Variants in RAB31 observed in about 807,000 individuals in gnomAD.
RAB31 encodes RAB31, member RAS oncogene family.
A neutral mutation model predicts 25.6 loss-of-function variants in RAB31; 21 were observed. That is an observed-to-expected ratio of 0.82 (90% CI 0.58 to 1.18). RAB31 has a LOEUF of 1.18. Ranked by LOEUF, RAB31 falls within the 50% of genes most tolerant of loss-of-function variation. RAB31 has a pLI of 0.00. For missense variants in RAB31, 196 were observed against 250.1 expected (o/e 0.78, Z 1.46); for synonymous variants, 87 against 84.0 (o/e 1.04, Z -0.20).
At chr18:9,859,184 G>T in intron 6 of RAB31, 44 bp from the exon 7 acceptor site, 2 of 1,496,102 alleles carry the variant, frequency 1.3e-6, no homozygotes, top group East Asian at 2.3e-5. Flanking sequence ...TGCAGTGTTG[G>T]CTGTAGGAAA....
intron 1 of RAB31, among the ~76,000 whole-genome samples, chr18:9,744,869 A>C (rs4798839): frequency 0.92 from 139,786 of 152,102 alleles, 64,393 homozygotes; most frequent in Admixed American, 0.94. Context: ...AAAAAGAGAA[A>C]GACTTCAAAT....
chr18:9,716,889 C>T (rs1172788755), intron 1 of RAB31, among the ~76,000 whole-genome samples: 3 of 131,952 alleles, frequency 2.3e-5, no homozygotes, highest in East Asian at 2.1e-4. Flanking sequence ...GGACTACAGG[C>T]GTGCCACCAC....
intron 6 of RAB31, among the ~76,000 whole-genome samples, chr18:9,847,976 T>C (rs537231062): frequency 2.4e-4 from 37 of 152,278 alleles, no homozygotes; most frequent in African/African-American, 8.7e-4. Flanking sequence ...GTCTACTTTA[T>C]GAAAAAACAA....
intron 1 of RAB31, among the ~76,000 whole-genome samples, chr18:9,728,336 C>T (rs1253384156): frequency 6.6e-6 from 1 of 152,096 alleles, no homozygotes; most frequent in Non-Finnish European, 1.5e-5. Flanking sequence ...AATCTTTGTA[C>T]CTGAATCTTA....
rs765804532 is a variant in RAB31 at position 9,815,224 on chromosome 18, T to C, written c.380+2T>C. On this transcript the variant is annotated splice_donor_variant, in intron 5 of 6. Transcript: ENST00000578921. LOFTEE classifies it high-confidence loss of function. ...CAAGTGCGACCTCTCAGATATTAGGTAAGATGCATTGAAATCTCTTTTGTG... is the reference window on the plus strand; with the variant it reads ...CAAGTGCGACCTCTCAGATATTAGGCAAGATGCATTGAAATCTCTTTTGTG... 9 of 1,525,022 alleles carry C rather than the reference T, an allele frequency of 5.9e-6. No individual in the cohort carries two copies. The Admixed American group carries it at 1.6e-4, about 27-fold the overall frequency. 94.5% of individuals were successfully genotyped at this position (1,525,022 alleles called of 1,614,324 possible).
Position 9,730,199 on chromosome 18 carries a change from T to A in RAB31, c.39+21755T>A, listed in dbSNP as rs189367173. ...TTATTTGGAAATATTTTTTACTAAT[T>A]TCTTACGCAGCCCAAAACTTAATGG... On this transcript the variant is annotated intron_variant, in intron 1 of 6. Coordinates refer to ENST00000578921, the MANE Select transcript of RAB31 (RefSeq NM_006868.4). Among the ~76,000 whole-genome samples the A allele has an allele frequency of 3.3e-5, 5 of 152,320 alleles. No individual in the cohort carries two copies. The East Asian group carries it at 9.6e-4, about 29-fold the overall frequency.
At chr18:9,764,215 T>A (rs1795197469) in intron 1 of RAB31, among the ~76,000 whole-genome samples, 2 of 152,236 alleles carry the variant, frequency 1.3e-5, no homozygotes, top group South Asian at 4.1e-4. Context: ...TCGGTCACTG[T>A]CACCCTAACC....
At chr18:9,840,262 T>C (rs370081981) in intron 5 of RAB31, among the ~76,000 whole-genome samples, 1 of 152,338 alleles carries the variant, frequency 6.6e-6, no homozygotes, top group Non-Finnish European at 1.5e-5. Context: ...AAATAGTCTT[T>C]ACCGTCAAAA....
At chr18:9,769,369 G>A (rs1433927204) in intron 1 of RAB31, among the ~76,000 whole-genome samples, 4 of 152,060 alleles carry the variant, frequency 2.6e-5, no homozygotes, top group Non-Finnish European at 4.4e-5. Context: ...CTCTTATTTC[G>A]TTGAGTGGTG....
At chr18:9,823,750 G>A (rs2068635224) in intron 5 of RAB31, among the ~76,000 whole-genome samples, 4 of 152,062 alleles carry the variant, frequency 2.6e-5, no homozygotes, top group Admixed American at 2.6e-4. Context: ...AAACACACTG[G>A]GCCAAATGAT....
At chr18:9,730,577 C>A (rs1313337427) in intron 1 of RAB31, among the ~76,000 whole-genome samples, 2 of 152,212 alleles carry the variant, frequency 1.3e-5, no homozygotes, top group African/African-American at 4.8e-5. Flanking sequence ...CATGAGCCAC[C>A]ACACCCGGTC....
chr18:9,753,919 C>T (rs542012610), intron 1 of RAB31, among the ~76,000 whole-genome samples: 5 of 152,286 alleles, frequency 3.3e-5, no homozygotes, highest in African/African-American at 9.6e-5. Flanking sequence ...TGTTGAGTTT[C>T]TCATGAACTT....
intron 1 of RAB31, among the ~76,000 whole-genome samples, chr18:9,762,566 G>A (rs1449247801): frequency 6.6e-6 from 1 of 152,088 alleles, no homozygotes; most frequent in Non-Finnish European, 1.5e-5. Context: ...AGAAACTGTG[G>A]TAATTATTAT....
intron 1 of RAB31, among the ~76,000 whole-genome samples, chr18:9,725,024 A>G (rs567055209): frequency 6.6e-6 from 1 of 151,858 alleles, no homozygotes; most frequent in East Asian, 1.9e-4. Flanking sequence ...TAATCAAGCA[A>G]CTCTCTCCAA....
At chr18:9,730,930 G>A (rs10451330) in intron 1 of RAB31, among the ~76,000 whole-genome samples, 4,458 of 152,230 alleles carry the variant, frequency 0.029, 95 homozygotes, top group Middle Eastern at 0.095. Context: ...AGTGTTTATC[G>A]TCTCCCATGA....
chr18:9,752,622 G>A (rs1274160588), intron 1 of RAB31, among the ~76,000 whole-genome samples: 2 of 152,118 alleles, frequency 1.3e-5, no homozygotes, highest in African/African-American at 2.4e-5. Flanking sequence ...GTCTGTGTTG[G>A]GTGACTCAGT....
intron 3 of RAB31, among the ~76,000 whole-genome samples, chr18:9,812,615 T>TTA (rs1180849895): frequency 6.6e-6 from 1 of 152,136 alleles, no homozygotes; most frequent in Non-Finnish European, 1.5e-5. Flanking sequence ...TGATTTACCT[T>TTA]TATATATATC....
intron 1 of RAB31, among the ~76,000 whole-genome samples, chr18:9,751,909 A>G (rs2145478855): frequency 6.6e-6 from 1 of 152,284 alleles, no homozygotes; most frequent in Non-Finnish European, 1.5e-5. Flanking sequence ...AACAGAGCAA[A>G]ACATCATCCC....
intron 1 of RAB31, among the ~76,000 whole-genome samples, chr18:9,719,337 A>ATATATATATATATAT (rs1243255290): frequency 1.0e-5 from 1 of 99,128 alleles, no homozygotes; most frequent in African/African-American, 3.6e-5. Context: ...ATAAATAAAT[A>ATATATATATATATAT]AATTTGATCT....
Sources: gnomAD v4.1 joint callset for allele counts (sites outside exome capture counted in the v4.1 genomes callset) on GRCh38, gnomAD v4.1.1 for gene constraint, MANE v1.5 for transcripts, NCBI Gene and HGNC (gene_info 2026-07-23, HGNC 2026-07-21) for gene names.